The following ARL6IP6 variants were observed in gnomAD, a reference collection of about 807,000 sequenced individuals.
The protein encoded by ARL6IP6 is ARF like GTPase 6 interacting protein 6.
A neutral mutation model predicts 21.5 loss-of-function variants in ARL6IP6; 22 were observed. That is an observed-to-expected ratio of 1.02 (90% CI 0.73 to 1.46). The LOEUF is 1.46. ARL6IP6 is among the 40% of genes most tolerant of loss of function. ARL6IP6 has a pLI of 0.00. For missense variants in ARL6IP6, 388 were observed against 299.8 expected, an observed-to-expected ratio of 1.29 and a Z score of -2.17; for synonymous variants, 164 against 125.3, an observed-to-expected ratio of 1.31 and a Z score of -2.06.
chr2:152,720,684 C>G, intron 2 of ARL6IP6, 98 bp downstream of exon 2: 1 of 1,043,672 alleles, frequency 9.6e-7, no homozygotes, highest in Non-Finnish European at 1.4e-6. Flanking sequence ...TAATGTATTT[C>G]TATGTGCAGT....
intron 3 of ARL6IP6, among the ~76,000 whole-genome samples, chr2:152,758,656 G>A (rs1386177227): frequency 6.6e-6 from 1 of 151,776 alleles, no homozygotes; most frequent in Non-Finnish European, 1.5e-5. Context: ...AACAGAGCAG[G>A]GAACCATCAG....
At chr2:152,734,160 C>T (rs960639402) in intron 2 of ARL6IP6, among the ~76,000 whole-genome samples, 2 of 152,136 alleles carry the variant, frequency 1.3e-5, no homozygotes, top group Non-Finnish European at 2.9e-5. Context: ...TCCCTTTATG[C>T]CTCCTATTCT....
chr2:152,728,962 G>C (rs188609205), intron 2 of ARL6IP6, among the ~76,000 whole-genome samples: 17 of 151,774 alleles, frequency 1.1e-4, no homozygotes, highest in African/African-American at 3.9e-4. Flanking sequence ...GGAGGCTGAG[G>C]CAGGAGAACT....
intron 3 of ARL6IP6, among the ~76,000 whole-genome samples, chr2:152,758,361 A>G (rs948069614): frequency 1.3e-5 from 2 of 152,038 alleles, no homozygotes; most frequent in African/African-American, 4.8e-5. Context: ...ACCCACTGAT[A>G]TGGAAGACCG....
chr2:152,721,475 A>G (rs190441986), intron 2 of ARL6IP6, among the ~76,000 whole-genome samples: 1 of 152,278 alleles, frequency 6.6e-6, no homozygotes, highest in Non-Finnish European at 1.5e-5. Flanking sequence ...AGGTTATTCT[A>G]TATTTCTCTC....
upstream of ARL6IP6, chr2:152,718,270 G>T (rs1290099822): frequency 3.7e-6 from 1 of 273,318 alleles, no homozygotes. Context: ...TGGGGCTGTC[G>T]GGGCGCGCGC....
At chr2:152,732,263 C>T (rs1321476979) in intron 2 of ARL6IP6, among the ~76,000 whole-genome samples, 1 of 152,026 alleles carries the variant, frequency 6.6e-6, no homozygotes, top group African/African-American at 2.4e-5. Flanking sequence ...TGCCAAACTG[C>T]TCTCCATAGA....
chr2:152,756,475 T>C (rs898915452), intron 3 of ARL6IP6, among the ~76,000 whole-genome samples: 2 of 152,172 alleles, frequency 1.3e-5, no homozygotes, highest in African/African-American at 4.8e-5. Flanking sequence ...TTAACTGGAC[T>C]TTATTCAAAT....
chr2:152,743,381 A>C (rs1205291630), intron 3 of ARL6IP6, among the ~76,000 whole-genome samples: 1 of 152,204 alleles, frequency 6.6e-6, no homozygotes, highest in East Asian at 1.9e-4. Context: ...CACTATTTAG[A>C]TCAAACGTCA....
chr2:152,720,227 C>T (rs112634092), intron 1 of ARL6IP6: 84 of 395,972 alleles, frequency 2.1e-4, no homozygotes, highest in African/African-American at 1.6e-3. Flanking sequence ...TTGAACTGTG[C>T]TTATTTGGAA....
chr2:152,725,267 TCTC>T (rs1461041731), intron 2 of ARL6IP6, among the ~76,000 whole-genome samples: 4 of 152,246 alleles, frequency 2.6e-5, no homozygotes, highest in African/African-American at 4.8e-5. Flanking sequence ...CTCAAAACAT[TCTC>T]CTATTTCATT....
intron 3 of ARL6IP6, among the ~76,000 whole-genome samples, chr2:152,739,372 T>C (rs930922368): frequency 2.6e-5 from 4 of 152,152 alleles, no homozygotes; most frequent in Admixed American, 6.5e-5. Context: ...CTAAATCATC[T>C]CTCTCAAGTT....
chr2:152,746,821 C>CTTTTT (rs61506535), intron 3 of ARL6IP6, among the ~76,000 whole-genome samples: 795 of 32,964 alleles, frequency 0.024, 47 homozygotes, highest in African/African-American at 0.048. Flanking sequence ...TTTATCCTTT[C>CTTTTT]TTTTTTTTTT....
intron 2 of ARL6IP6, 105 bp downstream of exon 2, chr2:152,720,691 C>A: frequency 2.0e-6 from 2 of 978,242 alleles, no homozygotes; most frequent in African/African-American, 1.6e-5. Flanking sequence ...TTTCTATGTG[C>A]AGTCATTCAG....
At chr2:152,759,688 G>C in intron 3 of ARL6IP6, 59 bp from the exon 4 acceptor site, 1 of 1,386,622 alleles carries the variant, frequency 7.2e-7, no homozygotes, top group Non-Finnish European at 1.0e-6. Flanking sequence ...AACTTTTGGT[G>C]TCTTTGTTAT....
Position 152,718,752 on chromosome 2 carries a change from A to G in ARL6IP6, c.128A>G (p.Asp43Gly). ...GACAGCTGGGGTGAAGGCGAAGTCGACGAGGAGGAGGGATGCGACCAAGTG... is the reference window on the plus strand; with the variant it reads ...GACAGCTGGGGTGAAGGCGAAGTCGGCGAGGAGGAGGGATGCGACCAAGTG... ...QGDSWGEGEV[D>G]EEEGCDQVAR... The change falls in exon 1 of 4, where the codon GAC becomes GGC. Residue 43 changes from aspartate to glycine, a missense_variant. Asp to Gly is a moderately conservative substitution (Grantham distance 94). Transcript: ENST00000326446. 6.2e-7 allele frequency: 1 copy of G among 1,610,372 alleles called. No individual in the cohort carries two copies. The highest frequency in any genetic ancestry group is 1.7e-4 in the Middle Eastern group (1 of 6,052).
chr2:152,756,216 G>C (rs1355766743), intron 3 of ARL6IP6, among the ~76,000 whole-genome samples: 1 of 151,982 alleles, frequency 6.6e-6, no homozygotes, highest in East Asian at 1.9e-4. Flanking sequence ...CTTAGTTCTT[G>C]TATTTAGGTC....
At chr2:152,756,265 G>A (rs1701589499) in intron 3 of ARL6IP6, among the ~76,000 whole-genome samples, 1 of 152,052 alleles carries the variant, frequency 6.6e-6, no homozygotes, top group African/African-American at 2.4e-5. Flanking sequence ...ATTGTGTAAG[G>A]TAGAGGACCA....
chr2:152,723,942 T>C (rs1256080930), intron 2 of ARL6IP6, among the ~76,000 whole-genome samples: 3 of 151,922 alleles, frequency 2.0e-5, no homozygotes, highest in African/African-American at 7.3e-5. Context: ...GTGTGGACTT[T>C]ATAATTTGAA....
Sources: allele counts gnomAD v4.1 joint callset (sites outside exome capture counted in the v4.1 genomes callset), GRCh38; gene constraint gnomAD v4.1.1; transcripts MANE v1.5; gene names NCBI Gene and HGNC (gene_info 2026-07-23, HGNC 2026-07-21).